CHD3: variants seen among roughly 807,000 people sequenced by gnomAD.
CHD3 encodes the protein chromodomain helicase DNA binding protein 3.
A neutral mutation model predicts 248.9 loss-of-function variants in CHD3; 52 were observed. The observed-to-expected ratio is 0.21, with a 90% CI of 0.17 to 0.26. The LOEUF (loss-of-function observed/expected upper bound fraction) is 0.26, where lower values mean the gene tolerates loss of function less well. CHD3 is among the 10% of genes least tolerant of loss of function. The pLI is 1.00. For synonymous variants in CHD3, 985 were observed against 985.2 expected, an observed-to-expected ratio of 1.00 and a Z score of 0.00; for missense variants, 1,482 against 2,605.8, an observed-to-expected ratio of 0.57 and a Z score of 9.39.
intron 2 of CHD3, chr17:7,890,351 C>A: frequency 2.6e-6 from 1 of 386,694 alleles, no homozygotes; most frequent in Non-Finnish European, 4.6e-6. Flanking sequence ...ATCGCTTGAA[C>A]CCGGGAGGTG....
chr17:7,892,821 C>G (rs935159022), intron 4 of CHD3, among the ~76,000 whole-genome samples: 5 of 152,146 alleles, frequency 3.3e-5, no homozygotes, highest in Admixed American at 3.3e-4. Flanking sequence ...AAGACAGGGT[C>G]TCATTCTGTC....
chr17:7,906,157 C>G lies in CHD3; in HGVS notation c.4358+168C>G. ...TCCTGGGGGGTGGTCTCAGCCCACT[C>G]CACCTCCCCTCAGCCGAGCCTAGAG... On this transcript the variant is annotated intron_variant, in intron 28 of 39. Transcript: ENST00000330494. This position sits in a 1 kb window ranked among gnomAD's most constrained non-coding sequence, Gnocchi z 5.0. 1 of 1,060,530 alleles carries G rather than the reference C, an allele frequency of 9.4e-7. No homozygotes were observed. The allele number at this position is 1,060,530 out of a possible 1,614,324, so 65.7% of individuals were successfully genotyped here.
rs769472917 is a variant in CHD3, at chr17:7,893,328, G to A, written c.552G>A (p.Lys184=). The A allele has an allele frequency of 6.2e-7, 1 of 1,613,934 alleles. No homozygotes were observed. Among genetic ancestry groups the A allele is most frequent in the South Asian group, 1.1e-5 (1 of 91,052 alleles). Residue 184 remains lysine, a synonymous_variant, in exon 5 of 40, where the codon AAG becomes AAA. Coordinates refer to ENST00000330494, the MANE Select transcript of CHD3 (RefSeq NM_001005273.3). ...AGAATCCTAAGATCCCAATGTCTAAGATGATGACCATCCTTGGGGCCAAAT... is the reference window on the plus strand; with the variant it reads ...AGAATCCTAAGATCCCAATGTCTAAAATGATGACCATCCTTGGGGCCAAAT... ...AKKNPKIPMS[K]MMTILGAKWR... is the part of the protein sequence containing the mutation.
In CHD3 at chr17:7,905,555, T is replaced by C. The variant is rs1416310173; in HGVS notation, c.4139-66T>C. 2.5e-6 allele frequency: 3 copies of C among 1,187,654 alleles called. No homozygotes were observed. In the African/African-American group the frequency reaches 4.6e-5, roughly 18 times the overall value. 73.6% of individuals were successfully genotyped at this position (1,187,654 alleles called of 1,614,324 possible). A position where few individuals can be genotyped will look rare whatever the true frequency, so the allele number is the denominator to read the frequency against. On this transcript the variant is annotated intron_variant, in intron 26 of 39. Coordinates refer to ENST00000330494, the MANE Select transcript of CHD3 (RefSeq NM_001005273.3). This position sits in a 1 kb window ranked among gnomAD's most constrained non-coding sequence, Gnocchi z 5.8. ...TGTTGTGTATCTTGTGGGAATGGGG[T>C]GCTAAGGAGGACTGAGGCTTAGAGG...
In CHD3 at chr17:7,907,407, A is replaced by G. The variant is rs1468050775; in HGVS notation, c.4843A>G (p.Ile1615Val). The change falls in exon 32 of 40, where the codon ATT becomes GTT. Residue 1615 changes from isoleucine to valine, a missense_variant. By Grantham distance (29) the Ile-to-Val change is conservative. Transcript: ENST00000330494. The surrounding 1 kb of genome is among the most constrained non-coding windows in gnomAD (Gnocchi z 4.3). ...SLGERLEPRK[I>V]PLEDEVPGVP... is the part of the protein sequence containing the mutation. ...TGGGGAGCGGCTGGAGCCAAGGAAG[A>G]TTCCTCTAGAGGATGAGGTGCCAGG... is the stretch of plus-strand genomic sequence containing the variant. 6.2e-7 allele frequency: 1 copy of G among 1,611,150 alleles called. No individual in the cohort carries two copies. Among genetic ancestry groups the G allele is most frequent in the Non-Finnish European group, 8.5e-7 (1 of 1,178,520 alleles).
chr17:7,893,364 C>T lies in CHD3; in HGVS notation c.588C>T (p.Phe196=). 6.2e-7 allele frequency: 1 copy of T among 1,613,870 alleles called. No individual in the cohort carries two copies. The highest frequency in any genetic ancestry group is 8.5e-7 in the Non-Finnish European group (1 of 1,179,912). The change falls in exon 5 of 40, where the codon TTC becomes TTT. Residue 196 remains phenylalanine, a synonymous_variant. Coordinates refer to ENST00000330494, the MANE Select transcript of CHD3 (RefSeq NM_001005273.3). Reference sequence around the variant, plus strand: ...TCCTTGGGGCCAAATGGAGAGAGTTCAGTGCCAACAACCCCTTCAAGGGGT... The same window carrying T: ...TCCTTGGGGCCAAATGGAGAGAGTTTAGTGCCAACAACCCCTTCAAGGGGT... ...MTILGAKWRE[F]SANNPFKGSA...
rs1971501011 is a variant in CHD3 at position 7,910,396 on chromosome 17, T to A, written c.5591-32T>A. 1 of 1,613,908 alleles carries A rather than the reference T, an allele frequency of 6.2e-7. No individual in the cohort carries two copies. Among genetic ancestry groups the A allele is most frequent in the Admixed American group, 1.7e-5 (1 of 59,996 alleles). On this transcript the variant is annotated intron_variant, in intron 37 of 39. Transcript: ENST00000330494. The surrounding 1 kb of genome is among the most constrained non-coding windows in gnomAD (Gnocchi z 4.7). ...ATCTCTGTATTTCCCTGTCTTTCTC[T>A]TGCCCTTCTTTCTCTGTGGCCCGGG...
chr17:7,912,028 G>A lies in CHD3; in HGVS notation c.*443G>A, dbSNP rs1486787980. The A allele has an allele frequency of 3.3e-6, 1 of 304,326 alleles. No homozygotes were observed. Among genetic ancestry groups the A allele is most frequent in the Non-Finnish European group, 6.4e-6 (1 of 156,946 alleles). 18.9% of individuals were successfully genotyped at this position (304,326 alleles called of 1,614,324 possible). On this transcript the variant is annotated 3_prime_UTR_variant, in exon 40 of 40. Coordinates refer to ENST00000330494, the MANE Select transcript of CHD3 (RefSeq NM_001005273.3). The stretch of plus-strand genomic sequence containing the variant: ...TGTGGGGAAGAGAGCTTTGAAGAGA[G>A]GAGGGGGACTTTAGAGAGGGATGAA...
chr17:7,905,350 A>G lies in CHD3; in HGVS notation c.4138+185A>G. On this transcript the variant is annotated intron_variant, in intron 26 of 39. Transcript: ENST00000330494. This position sits in a 1 kb window ranked among gnomAD's most constrained non-coding sequence, Gnocchi z 5.8. ...CTAGTAAACTTCGGTGTGTGTGACC[A>G]CATAGGCTAGATCCAGAAAGGCCAT... 1 of 648,066 alleles carries G rather than the reference A, an allele frequency of 1.5e-6. No individual in the cohort carries two copies. Among genetic ancestry groups the G allele is most frequent in the Non-Finnish European group, 2.8e-6 (1 of 360,724 alleles). The allele number at this position is 648,066 out of a possible 1,614,324, so 40.1% of individuals were successfully genotyped here.
chr17:7,898,368 G>A lies in CHD3; in HGVS notation c.2052-128G>A, dbSNP rs929981002. Reference sequence around the variant, plus strand: ...GAAATCCAAAGGGCAAGGGTAAAGAGCCTGGGAAAAAGGAAATATGGGAAA... The same window carrying A: ...GAAATCCAAAGGGCAAGGGTAAAGAACCTGGGAAAAAGGAAATATGGGAAA... On this transcript the variant is annotated intron_variant, in intron 12 of 39. Coordinates refer to ENST00000330494, the MANE Select transcript of CHD3 (RefSeq NM_001005273.3). 1.4e-5 allele frequency: 11 copies of A among 790,296 alleles called. No homozygotes were observed. The East Asian group carries it at 2.1e-4, about 15-fold the overall frequency. 49.0% of individuals were successfully genotyped at this position (790,296 alleles called of 1,614,324 possible). A position where few individuals can be genotyped will look rare whatever the true frequency, so the allele number is the denominator to read the frequency against.
In CHD3 at chr17:7,897,301, C is replaced by T. The variant is rs745452588; in HGVS notation, c.1919+7C>T. 1 of 1,611,952 alleles carries T rather than the reference C, an allele frequency of 6.2e-7. No homozygotes were observed. Among genetic ancestry groups the T allele is most frequent in the African/African-American group, 1.3e-5 (1 of 74,900 alleles). ...ACCGCATCATCAACCACAGGTGAATCCTCGGTCCCTGGGAAGTCAGACCTG... is the reference window on the plus strand; with the variant it reads ...ACCGCATCATCAACCACAGGTGAATTCTCGGTCCCTGGGAAGTCAGACCTG... On this transcript the variant is annotated splice_region_variant and intron_variant, in intron 11 of 39. Coordinates refer to ENST00000330494, the MANE Select transcript of CHD3 (RefSeq NM_001005273.3). The surrounding 1 kb of genome is among the most constrained non-coding windows in gnomAD (Gnocchi z 4.8).
Position 7,905,016 on chromosome 17 carries a change from G to A in CHD3, c.4073-84G>A. On this transcript the variant is annotated intron_variant, in intron 25 of 39. Transcript: ENST00000330494. The surrounding 1 kb of genome is among the most constrained non-coding windows in gnomAD (Gnocchi z 5.8). ...GAATAAAGGTAGACAAGTCTCGGCA[G>A]GGAGGAATCCAGCCAGAAAGGGCCT... The A allele has an allele frequency of 8.0e-7, 1 of 1,250,076 alleles. No individual in the cohort carries two copies. The highest frequency in any genetic ancestry group is 2.3e-5 in the East Asian group (1 of 43,028). 77.4% of individuals were successfully genotyped at this position (1,250,076 alleles called of 1,614,324 possible). A position where few individuals can be genotyped will look rare whatever the true frequency, so the allele number is the denominator to read the frequency against.
At position 7,889,884 on chromosome 17, in the gene CHD3, C is replaced by CCAGGGCT. The variant is rs1968576595; in HGVS notation, c.213+113_213+114insCTCAGGG. 8.9e-7 allele frequency: 1 copy of CCAGGGCT among 1,128,564 alleles called. No individual in the cohort carries two copies. 69.9% of individuals were successfully genotyped at this position (1,128,564 alleles called of 1,614,324 possible). ...CTGGTGTGGGGGTGGGGTTCTGAAG[C>CCAGGGCT]CAGGGAGGCTTGATCCCCCGGGCCC... On this transcript the variant is annotated intron_variant, in intron 2 of 39. Transcript: ENST00000330494. This position sits in a 1 kb window ranked among gnomAD's most constrained non-coding sequence, Gnocchi z 4.5.
At chr17:7,890,764 AGT>A in intron 3 of CHD3, 23 bp downstream of exon 3, 2 of 1,588,614 alleles carry the variant, frequency 1.3e-6, no homozygotes, top group Admixed American at 1.9e-5. Flanking sequence ...AGGGAATGAG[AGT>A]GAGAAATCTG....
chr17:7,888,173 C>G (rs1216863534), upstream of CHD3, among the ~76,000 whole-genome samples: 1 of 152,204 alleles, frequency 6.6e-6, no homozygotes, highest in East Asian at 1.9e-4. Flanking sequence ...GTTTCACACC[C>G]GGGCTCTGGC....
chr17:7,892,309 G>A (rs1968987469), intron 4 of CHD3, among the ~76,000 whole-genome samples: 1 of 152,138 alleles, frequency 6.6e-6, no homozygotes, highest in African/African-American at 2.4e-5. Flanking sequence ...CAGGGCCCAT[G>A]GAACTTACTA....
At position 7,907,073 on chromosome 17, in the gene CHD3, C is replaced by A; in HGVS notation, c.4666+42C>A. The A allele has an allele frequency of 6.2e-7, 1 of 1,613,866 alleles. No individual in the cohort carries two copies. The highest frequency in any genetic ancestry group is 8.5e-7 in the Non-Finnish European group (1 of 1,179,812). On this transcript the variant is annotated intron_variant, in intron 30 of 39. Coordinates refer to ENST00000330494, the MANE Select transcript of CHD3 (RefSeq NM_001005273.3). The surrounding 1 kb of genome is among the most constrained non-coding windows in gnomAD (Gnocchi z 4.3). ...ATGGTGGGAGAGACAGAAAGGGAGC[C>A]AGGAGTCAGGGCGGGAGAATCTCTG...
At position 7,899,247 on chromosome 17, in the gene CHD3, A is replaced by G. The variant is rs557605229; in HGVS notation, c.2343+45A>G. ...TGAAGGGGACCGCCTGGACTGGGGA[A>G]GTGGGGAGGGGGAAGATAAAGGGGT... On this transcript the variant is annotated intron_variant, in intron 14 of 39. Coordinates refer to ENST00000330494, the MANE Select transcript of CHD3 (RefSeq NM_001005273.3). This position sits in a 1 kb window ranked among gnomAD's most constrained non-coding sequence, Gnocchi z 6.8. 155 of 1,602,794 alleles carry G rather than the reference A, an allele frequency of 9.7e-5. No homozygotes were observed. The highest frequency in any genetic ancestry group is 5.0e-4 in the Middle Eastern group (3 of 6,034).
chr17:7,899,234 C>T lies in CHD3; in HGVS notation c.2343+32C>T, dbSNP rs1567853705. The T allele has an allele frequency of 6.2e-7, 1 of 1,606,430 alleles. No homozygotes were observed. Among genetic ancestry groups the T allele is most frequent in the South Asian group, 1.1e-5 (1 of 90,952 alleles). On this transcript the variant is annotated intron_variant, in intron 14 of 39. Coordinates refer to ENST00000330494, the MANE Select transcript of CHD3 (RefSeq NM_001005273.3). This position sits in a 1 kb window ranked among gnomAD's most constrained non-coding sequence, Gnocchi z 6.8. ...GATTCTAGGACCTTGAAGGGGACCG[C>T]CTGGACTGGGGAAGTGGGGAGGGGG...
Sources: gnomAD v4.1 joint callset for allele counts (sites outside exome capture counted in the v4.1 genomes callset) on GRCh38, gnomAD v4.1.1 for gene constraint, Gnocchi (gnomAD v3.1) non-coding constraint, MANE v1.5 for transcripts, NCBI Gene and HGNC (gene_info 2026-07-23, HGNC 2026-07-21) for gene names.